The following TMEM71 variants were observed in gnomAD, a reference collection of about 807,000 sequenced individuals.
The protein encoded by TMEM71 is transmembrane protein 71.
Under a neutral mutation model 38.0 loss-of-function variants are expected in TMEM71, and 44 were observed. The ratio of observed to expected loss-of-function variants is 1.16; its 90% CI spans 0.91 to 1.49. TMEM71 has a LOEUF of 1.49. Ranked by LOEUF, TMEM71 falls within the 40% of genes most tolerant of loss-of-function variation. TMEM71 has a pLI of 0.00. For missense variants in TMEM71, 367 were observed against 348.6 expected (o/e 1.05, Z -0.42); for synonymous variants, 133 against 122.5 (o/e 1.09, Z -0.56).
At chr8:132,718,381 C>T (rs1826649963) in intron 7 of TMEM71, among the ~76,000 whole-genome samples, 1 of 150,906 alleles carries the variant, frequency 6.6e-6, no homozygotes, top group Admixed American at 6.6e-5. Context: ...TGGAATCTCC[C>T]TACCTGGGGA....
chr8:132,707,004 A>G (rs1337179457), downstream of TMEM71, among the ~76,000 whole-genome samples: 1 of 152,220 alleles, frequency 6.6e-6, no homozygotes, highest in East Asian at 1.9e-4. Flanking sequence ...CAAGAAATAC[A>G]GAAGACTAAG....
the TMEM71 span, among the ~76,000 whole-genome samples, chr8:132,766,858 A>C: frequency 6.6e-6 from 1 of 152,184 alleles, no homozygotes; most frequent in East Asian, 1.9e-4. Flanking sequence ...AATCTTATTT[A>C]ATCATGGCAA....
At position 132,722,105 on chromosome 8, in the gene TMEM71, C is replaced by A; in HGVS notation, c.687G>T (p.Leu229Phe). ...TTGCCTGAAAGAAGACCTCTTGCAA[C>A]AACCTGGTTTCTAATAGGAAGAACA... ...ENSSDHSETRLLQEVFFQAIL... is the reference protein window; with the variant it reads ...ENSSDHSETRFLQEVFFQAIL... Residue 229 changes from leucine to phenylalanine, a missense_variant, in exon 7 of 10, where the codon TTG (leucine) becomes TTT (phenylalanine). Leu to Phe is a conservative substitution (Grantham distance 22). Transcript: ENST00000677595. 3 of 1,612,606 alleles carry A rather than the reference C, an allele frequency of 1.9e-6. No individual in the cohort carries two copies. The highest frequency in any genetic ancestry group is 2.5e-6 in the Non-Finnish European group (3 of 1,179,060).
At chr8:132,763,091 T>C (rs1829323312), upstream of TMEM71, among the ~76,000 whole-genome samples, 1 of 152,276 alleles carries the variant, frequency 6.6e-6, no homozygotes, top group Middle Eastern at 3.4e-3. Context: ...TCCCTCACCC[T>C]AAGGGTCACA....
intron 5 of TMEM71, among the ~76,000 whole-genome samples, chr8:132,730,464 C>T (rs1000856521): frequency 6.6e-6 from 1 of 152,086 alleles, no homozygotes; most frequent in Non-Finnish European, 1.5e-5. Flanking sequence ...AGATAATCTC[C>T]TATGGGTAAG....
At chr8:132,723,421 T>A (rs1277510917) in intron 6 of TMEM71, among the ~76,000 whole-genome samples, 1 of 152,220 alleles carries the variant, frequency 6.6e-6, no homozygotes, top group Non-Finnish European at 1.5e-5. Flanking sequence ...TGATTTGGGA[T>A]GAATTATTCA....
chr8:132,715,197 G>C lies in TMEM71; in HGVS notation c.753-982C>G, dbSNP rs574872476. Among the ~76,000 whole-genome samples, 24 of 151,908 alleles carry C rather than the reference G, an allele frequency of 1.6e-4. 1 individual carries two copies. Among genetic ancestry groups the C allele is most frequent in the Middle Eastern group, 3.4e-3 (1 of 294 alleles). ...CGAGGCGGGCGGATCACGAGGTCAGGAGATTGAGACCGTCCTGGCTAACAC... is the reference window on the plus strand; with the variant it reads ...CGAGGCGGGCGGATCACGAGGTCAGCAGATTGAGACCGTCCTGGCTAACAC... On this transcript the variant is annotated intron_variant, in intron 7 of 9. Coordinates refer to ENST00000677595, the MANE Select transcript of TMEM71 (RefSeq NM_001382403.1).
rs1827252321 is a variant in TMEM71, at chr8:132,728,041, TGTGTGTG to T, written c.488-62_488-56del. On this transcript the variant is annotated intron_variant, in intron 5 of 9. Coordinates refer to ENST00000677595, the MANE Select transcript of TMEM71 (RefSeq NM_001382403.1). ...GTGTGTGTGTGTGTGTGTGTGTGTG[TGTGTGTG>T]TTCAGTGACTGCTCAATGCACAGTT... 9 of 1,354,882 alleles carry T rather than the reference TGTGTGTG, an allele frequency of 6.6e-6. No individual in the cohort carries two copies. In the East Asian group the frequency reaches 2.3e-4, roughly 34 times the overall value. The allele number at this position is 1,354,882 out of a possible 1,614,324, so 83.9% of individuals were successfully genotyped here.
intron 5 of TMEM71, among the ~76,000 whole-genome samples, chr8:132,740,799 C>T (rs1407706896): frequency 6.6e-6 from 1 of 152,178 alleles, no homozygotes; most frequent in African/African-American, 2.4e-5. Flanking sequence ...CTTGGTTTAA[C>T]AGTTTTTCTT....
At chr8:132,717,371 G>T (rs1046712839) in intron 7 of TMEM71, among the ~76,000 whole-genome samples, 5 of 152,154 alleles carry the variant, frequency 3.3e-5, no homozygotes, top group Non-Finnish European at 7.4e-5. Flanking sequence ...AATATATAAA[G>T]AATTATTTTA....
In TMEM71 at chr8:132,714,149, C is replaced by T. The variant is rs1262404110; in HGVS notation, c.814+5G>A. On this transcript the variant is annotated splice_donor_5th_base_variant and intron_variant, in intron 8 of 9. Coordinates refer to ENST00000677595, the MANE Select transcript of TMEM71 (RefSeq NM_001382403.1). ...ATTGCAGTAATCTGGGAAACAGTTA[C>T]TTACAAGCTACAGTTATCATCAATG... The T allele has an allele frequency of 6.2e-7, 1 of 1,612,994 alleles. No homozygotes were observed. The highest frequency in any genetic ancestry group is 8.5e-7 in the Non-Finnish European group (1 of 1,179,168).
intron 5 of TMEM71, among the ~76,000 whole-genome samples, chr8:132,740,827 C>G (rs1373917906): frequency 6.6e-6 from 1 of 152,172 alleles, no homozygotes; most frequent in African/African-American, 2.4e-5. Flanking sequence ...ACTTGAGATT[C>G]TTAAGCATTT....
chr8:132,708,188 G>C (rs1167383453), downstream of TMEM71, among the ~76,000 whole-genome samples: 1 of 152,170 alleles, frequency 6.6e-6, no homozygotes, highest in Non-Finnish European at 1.5e-5. Context: ...AGGACCTGAA[G>C]AGGATTGAGG....
the TMEM71 span, among the ~76,000 whole-genome samples, chr8:132,767,122 T>TACC: frequency 6.6e-6 from 1 of 152,302 alleles, no homozygotes; most frequent in Non-Finnish European, 1.5e-5. Flanking sequence ...AGAGCTCTAA[T>TACC]TCTGCTCCTC....
upstream of TMEM71, among the ~76,000 whole-genome samples, chr8:132,765,119 A>G (rs1829346607): frequency 6.6e-6 from 1 of 152,176 alleles, no homozygotes; most frequent in Non-Finnish European, 1.5e-5. Context: ...TTATTTTCCC[A>G]CTTGATGGCT....
downstream of TMEM71, among the ~76,000 whole-genome samples, chr8:132,707,814 G>T (rs1014407135): frequency 6.6e-6 from 1 of 151,994 alleles, no homozygotes; most frequent in African/African-American, 2.4e-5. Flanking sequence ...TGTTTTTCTC[G>T]TATTTGAACA....
At chr8:132,775,343 G>C in the TMEM71 span, 1 of 351,000 alleles carries the variant, frequency 2.8e-6, no homozygotes, top group Non-Finnish European at 5.1e-6. Context: ...GCCCGCTTCC[G>C]GCACGTCGCG....
chr8:132,734,175 C>CAT (rs1827617311), intron 5 of TMEM71, among the ~76,000 whole-genome samples: 1 of 151,892 alleles, frequency 6.6e-6, no homozygotes, highest in East Asian at 1.9e-4. Context: ...CACACACACA[C>CAT]GCATACACAT....
At position 132,727,784 on chromosome 8, in the gene TMEM71, A is replaced by G. The variant is rs770763049; in HGVS notation, c.676+14T>C. 9.6e-6 allele frequency: 15 copies of G among 1,563,116 alleles called. No individual in the cohort carries two copies. Among genetic ancestry groups the G allele is most frequent in the Middle Eastern group, 1.7e-4 (1 of 5,824 alleles). On this transcript the variant is annotated intron_variant, in intron 6 of 9. Transcript: ENST00000677595. ...TCTTTGGGTGTGGCAAATATTTAAAACACCTGAACTCACCTGAATGATCCG... is the reference window on the plus strand; with the variant it reads ...TCTTTGGGTGTGGCAAATATTTAAAGCACCTGAACTCACCTGAATGATCCG...
Sources: allele counts gnomAD v4.1 joint callset (sites outside exome capture counted in the v4.1 genomes callset), GRCh38; gene constraint gnomAD v4.1.1; transcripts MANE v1.5; gene names NCBI Gene and HGNC (gene_info 2026-07-23, HGNC 2026-07-21).